Variants in EDA observed in about 807,000 individuals in gnomAD.
EDA encodes the protein ectodysplasin-A.
A neutral mutation model predicts 23.6 loss-of-function variants in EDA; 2 were observed. The observed-to-expected ratio is 0.08, with a 90% CI of 0.03 to 0.27. EDA has a LOEUF of 0.27. Ranked by LOEUF, EDA falls within the 10% of genes least tolerant of loss-of-function variation. EDA has a pLI of 1.00. For missense variants in EDA, 229 were observed against 324.2 expected, an observed-to-expected ratio of 0.71 and a Z score of 2.26; for synonymous variants, 131 against 132.0, an observed-to-expected ratio of 0.99 and a Z score of 0.05.
At chrX:70,018,370 C>CA (rs2019982375) in intron 2 of EDA, among the ~76,000 whole-genome samples, 1 of 111,548 alleles carries the variant, frequency 9.0e-6, no homozygotes, top group Non-Finnish European at 1.9e-5. Context: ...CATATGGAAC[C>CA]AAAAAAGAGC....
At chrX:69,973,846 A>T (rs1376235510) in intron 2 of EDA, among the ~76,000 whole-genome samples, 1 of 111,387 alleles carries the variant, frequency 9.0e-6, no homozygotes, top group African/African-American at 3.3e-5. Context: ...TAAAAAGTAA[A>T]TCCCCTATGT....
At chrX:70,026,392 C>T (rs938206939) in intron 3 of EDA, among the ~76,000 whole-genome samples, 4 of 110,650 alleles carry the variant, frequency 3.6e-5, no homozygotes, top group Middle Eastern at 4.7e-3. Flanking sequence ...ATAGGAGGGT[C>T]GAGATTGTTC....
At chrX:69,616,727 C>T in intron 1 of EDA, 23 bp downstream of exon 1, 1 of 1,211,015 alleles carries the variant, frequency 8.3e-7, no homozygotes, top group Non-Finnish European at 1.1e-6. Context: ...GTAGGGGCGG[C>T]GGCGGCCCCC....
intron 1 of EDA, among the ~76,000 whole-genome samples, chrX:69,778,610 C>T (rs2014854329): frequency 9.0e-6 from 1 of 111,312 alleles, no homozygotes; most frequent in Admixed American, 9.6e-5. Context: ...TTGAAGGGTT[C>T]ATTGGATTTT....
intron 1 of EDA, among the ~76,000 whole-genome samples, chrX:69,752,996 T>C (rs1410922676): frequency 2.8e-5 from 3 of 107,616 alleles, no homozygotes; most frequent in African/African-American, 1.1e-4. Context: ...GCTAGCGGTC[T>C]ATCAATTTTG....
chrX:69,959,335 A>G (rs182241669), intron 2 of EDA, among the ~76,000 whole-genome samples: 1 of 111,594 alleles, frequency 9.0e-6, no homozygotes, highest in Non-Finnish European at 1.9e-5. Context: ...AGGAGTATAG[A>G]ATGCCTGGGG....
At chrX:69,998,348 C>T (rs1309936338) in intron 2 of EDA, among the ~76,000 whole-genome samples, 1 of 112,413 alleles carries the variant, frequency 8.9e-6, no homozygotes, top group Non-Finnish European at 1.9e-5. Context: ...CCTGTAGCCC[C>T]TTTGTTCCAG....
chrX:69,731,607 A>G (rs2013031180), intron 1 of EDA, among the ~76,000 whole-genome samples: 2 of 110,250 alleles, frequency 1.8e-5, no homozygotes, highest in Non-Finnish European at 3.8e-5. Flanking sequence ...ATGCATAGCT[A>G]ATTTTTGTAT....
At chrX:69,693,229 A>C (rs2147300409) in intron 1 of EDA, 1 of 111,125 alleles carries the variant, frequency 9.0e-6, no homozygotes, top group South Asian at 3.8e-4. Flanking sequence ...CAAAACCAGA[A>C]CAAAGGGAGG....
At chrX:69,795,877 T>A (rs1229173618) in intron 1 of EDA, among the ~76,000 whole-genome samples, 1 of 110,688 alleles carries the variant, frequency 9.0e-6, no homozygotes, top group Non-Finnish European at 1.9e-5. Context: ...CTCCGCCCCC[T>A]CCCCCATCCA....
chrX:69,716,207 CA>C lies in EDA; in HGVS notation c.396+99504del, dbSNP rs753117812. Among the ~76,000 whole-genome samples, 147 of 111,888 alleles carry C rather than the reference CA, an allele frequency of 1.3e-3. 1 individual carries two copies. Among genetic ancestry groups the C allele is most frequent in the African/African-American group, 4.6e-3 (142 of 30,794 alleles). ...AGGGTTTTTATAGTTTGGGGTTTTACATTTCAGTCTTTACTCGTTCTTGAGT... is the reference window on the plus strand; with the variant it reads ...AGGGTTTTTATAGTTTGGGGTTTTACTTTCAGTCTTTACTCGTTCTTGAGT... On this transcript the variant is annotated intron_variant, in intron 1 of 7. Coordinates refer to ENST00000374552, the MANE Select transcript of EDA (RefSeq NM_001399.5).
intron 1 of EDA, among the ~76,000 whole-genome samples, chrX:69,804,423 T>C (rs1314881978): frequency 2.0e-5 from 2 of 99,542 alleles, no homozygotes; most frequent in African/African-American, 7.7e-5. Flanking sequence ...TCTGCTAAGA[T>C]GGCTGAGGTT....
chrX:69,821,071 A>G (rs1304232779), intron 1 of EDA, among the ~76,000 whole-genome samples: 1 of 111,283 alleles, frequency 9.0e-6, no homozygotes, highest in Non-Finnish European at 1.9e-5. Context: ...AAGGAACAAG[A>G]TCATGTCCTT....
intron 1 of EDA, among the ~76,000 whole-genome samples, chrX:69,883,453 AG>A (rs2017780844): frequency 8.9e-6 from 1 of 111,770 alleles, no homozygotes; most frequent in South Asian, 3.8e-4. Context: ...AGAAATCCTT[AG>A]GGAGCCAGGA....
At chrX:69,912,142 A>C (rs1342906271) in intron 1 of EDA, among the ~76,000 whole-genome samples, 1 of 111,764 alleles carries the variant, frequency 8.9e-6, no homozygotes, top group Non-Finnish European at 1.9e-5. Context: ...TATGTGTTCA[A>C]GTTTTATCAT....
chrX:69,733,042 C>T (rs1012944710), intron 1 of EDA, among the ~76,000 whole-genome samples: 29 of 108,539 alleles, frequency 2.7e-4, no homozygotes, highest in Non-Finnish European at 5.4e-4. Flanking sequence ...TTCTCCCACT[C>T]TGTAGGTTGC....
At chrX:69,819,962 A>G (rs894264305) in intron 1 of EDA, among the ~76,000 whole-genome samples, 11 of 110,107 alleles carry the variant, frequency 1.0e-4, no homozygotes, top group African/African-American at 3.6e-4. Context: ...ATGAACAAAG[A>G]TGGAGGCATC....
At chrX:69,982,456 G>C (rs189091374) in intron 2 of EDA, among the ~76,000 whole-genome samples, 83 of 111,019 alleles carry the variant, frequency 7.5e-4, no homozygotes, top group Middle Eastern at 4.7e-3. Flanking sequence ...ATTGGGAAAG[G>C]CATCTTGCAT....
chrX:69,733,548 T>G (rs1454668098), intron 1 of EDA, among the ~76,000 whole-genome samples: 4 of 112,126 alleles, frequency 3.6e-5, no homozygotes, highest in Non-Finnish European at 5.6e-5. Context: ...TGCCTCCAGC[T>G]TTGTTCTTTT....
Sources: gnomAD v4.1 joint callset for allele counts (sites outside exome capture counted in the v4.1 genomes callset) on GRCh38, gnomAD v4.1.1 for gene constraint, MANE v1.5 for transcripts, NCBI Gene and HGNC (gene_info 2026-07-23, HGNC 2026-07-21) for gene names.